C2orf42: variants seen among roughly 807,000 people sequenced by gnomAD.
C2orf42 encodes chromosome 2 open reading frame 42.
Under a neutral mutation model 58.9 loss-of-function variants are expected in C2orf42, and 44 were observed. The observed-to-expected ratio is 0.75, with a 90% confidence interval of 0.59 to 0.96. C2orf42 has a LOEUF of 0.96. C2orf42 is among the 40% of genes least tolerant of loss of function. The pLI is 0.00. For synonymous variants in C2orf42, 239 were observed against 265.4 expected, an observed-to-expected ratio of 0.90 and a Z score of 0.97; for missense variants, 630 against 699.2, an observed-to-expected ratio of 0.90 and a Z score of 1.12.
chr2:70,162,047 T>C (rs1368170300), intron 8 of C2orf42, among the ~76,000 whole-genome samples: 1 of 151,644 alleles, frequency 6.6e-6, no homozygotes, highest in East Asian at 2.0e-4. Flanking sequence ...AGTCTAGCTC[T>C]GTCACCCAGG....
chr2:70,156,078 C>T (rs1395016248), intron 9 of C2orf42, among the ~76,000 whole-genome samples: 1 of 151,976 alleles, frequency 6.6e-6, no homozygotes, highest in Non-Finnish European at 1.5e-5. Context: ...TCTCTTGAAC[C>T]CGGGAGGCGG....
In C2orf42 at chr2:70,181,312, G is replaced by A. The variant is rs142004715; in HGVS notation, c.674C>T (p.Ser225Phe). ...CTTGTGCGATTTCAGAGTCTGACAG[G>A]AGCAGAAGAAGCGGCGCTCAGGCAA... is the stretch of plus-strand genomic sequence containing the variant. The part of the protein sequence containing the change: ...KSLPERRFFC[S>F]CQTLKSHKSN... The change falls in exon 3 of 10, where the codon TCC (serine) becomes TTC (phenylalanine). Residue 225 changes from serine (S) to phenylalanine (F), a missense_variant. Ser to Phe is a radical substitution (Grantham distance 155, BLOSUM62 -2). Coordinates refer to ENST00000264434, the MANE Select transcript of C2orf42 (RefSeq NM_017880.3). The A allele has an allele frequency of 2.9e-4, 469 of 1,613,940 alleles. No individual in the cohort carries two copies. Among genetic ancestry groups the A allele is most frequent in the Non-Finnish European group, 3.8e-4 (444 of 1,179,964 alleles).
intron 1 of C2orf42, among the ~76,000 whole-genome samples, chr2:70,188,480 A>G (rs776423568): frequency 5.9e-5 from 9 of 152,106 alleles, no homozygotes; most frequent in Non-Finnish European, 1.3e-4. Flanking sequence ...GTGAGCCGCT[A>G]TGCCTGGCCT....
chr2:70,158,985 C>T (rs1417462368), intron 9 of C2orf42, among the ~76,000 whole-genome samples: 2 of 144,866 alleles, frequency 1.4e-5, no homozygotes, highest in African/African-American at 5.1e-5. Context: ...GATCTCGGCT[C>T]ACTGCAAGCT....
At chr2:70,175,083 C>A (rs1674097512) in intron 5 of C2orf42, among the ~76,000 whole-genome samples, 1 of 152,086 alleles carries the variant, frequency 6.6e-6, no homozygotes, top group African/African-American at 2.4e-5. Context: ...AAGATTATTT[C>A]ATCACCCAGG....
intron 4 of C2orf42, among the ~76,000 whole-genome samples, chr2:70,176,741 G>T (rs937286434): frequency 1.4e-4 from 21 of 152,014 alleles, no homozygotes; most frequent in African/African-American, 5.1e-4. Context: ...GGACCCTCCT[G>T]CCTCAGCTTC....
intron 9 of C2orf42, among the ~76,000 whole-genome samples, chr2:70,154,593 A>G (rs1672541146): frequency 6.6e-6 from 1 of 152,174 alleles, no homozygotes; most frequent in African/African-American, 2.4e-5. Flanking sequence ...TAAAGATGGC[A>G]TTTGTAACTA....
chr2:70,160,952 CT>C (rs2104863299), intron 8 of C2orf42, among the ~76,000 whole-genome samples, 165 bp from the exon 9 acceptor site: 1 of 152,232 alleles, frequency 6.6e-6, no homozygotes, highest in Admixed American at 6.6e-5. Flanking sequence ...ACAAATCTGC[CT>C]TTTCTCCCTT....
intron 6 of C2orf42, among the ~76,000 whole-genome samples, chr2:70,167,129 C>A (rs1673456774): frequency 1.3e-5 from 2 of 152,228 alleles, no homozygotes; most frequent in Middle Eastern, 3.4e-3. Flanking sequence ...GAGGATGAGG[C>A]AGGTGGATCA....
At chr2:70,165,475 A>C (rs1328898277) in intron 7 of C2orf42, 53 bp downstream of exon 7, 1 of 1,039,874 alleles carries the variant, frequency 9.6e-7, no homozygotes, top group South Asian at 1.3e-5. Flanking sequence ...TTTTCCAAAC[A>C]TAATTCTCTA....
At chr2:70,158,071 C>G (rs764595794) in intron 9 of C2orf42, among the ~76,000 whole-genome samples, 1 of 151,606 alleles carries the variant, frequency 6.6e-6, no homozygotes. Context: ...TGCTGGCATG[C>G]GCCTGTAATC....
At chr2:70,188,423 C>A (rs1675100775) in intron 1 of C2orf42, among the ~76,000 whole-genome samples, 2 of 152,186 alleles carry the variant, frequency 1.3e-5, no homozygotes, top group Non-Finnish European at 2.9e-5. Context: ...CTCCTGACCT[C>A]AAGTGATCTG....
At chr2:70,168,978 G>T (rs532144915) in intron 6 of C2orf42, among the ~76,000 whole-genome samples, 53 of 152,254 alleles carry the variant, frequency 3.5e-4, no homozygotes, top group Admixed American at 3.3e-3. Flanking sequence ...GCCTCCCAAA[G>T]TGTCGGATTA....
intron 9 of C2orf42, among the ~76,000 whole-genome samples, chr2:70,150,995 C>G (rs1241992674): frequency 6.6e-6 from 1 of 152,194 alleles, no homozygotes; most frequent in Non-Finnish European, 1.5e-5. Context: ...CCGCCCACCT[C>G]AGACTCCCAA....
chr2:70,155,297 A>G (rs375810146), intron 9 of C2orf42, among the ~76,000 whole-genome samples: 1 of 152,100 alleles, frequency 6.6e-6, no homozygotes, highest in Non-Finnish European at 1.5e-5. Context: ...AAGAATGGCT[A>G]CTTCATAGGC....
At chr2:70,170,107 G>C (rs973664175) in intron 5 of C2orf42, among the ~76,000 whole-genome samples, 1 of 149,490 alleles carries the variant, frequency 6.7e-6, no homozygotes, top group Non-Finnish European at 1.5e-5. Context: ...AGCTGGCTTC[G>C]AACTCCTAGG....
intron 7 of C2orf42, among the ~76,000 whole-genome samples, 167 bp downstream of exon 7, chr2:70,165,361 T>G (rs1335324180): frequency 6.6e-6 from 1 of 152,234 alleles, no homozygotes; most frequent in African/African-American, 2.4e-5. Flanking sequence ...GACAAATCAG[T>G]TGATGTAGAT....
intron 9 of C2orf42, among the ~76,000 whole-genome samples, chr2:70,157,449 G>A (rs1381955372): frequency 7.7e-5 from 11 of 143,422 alleles, no homozygotes; most frequent in Non-Finnish European, 1.3e-4. Flanking sequence ...CGAGACTCCC[G>A]TCTCAAAACA....
Position 70,165,082 on chromosome 2 carries a change from A to T in C2orf42, c.1353+10T>A. 6.9e-7 allele frequency: 1 copy of T among 1,453,632 alleles called. No individual in the cohort carries two copies. Among genetic ancestry groups the T allele is most frequent in the Non-Finnish European group, 9.6e-7 (1 of 1,042,242 alleles). 90.0% of individuals were successfully genotyped at this position (1,453,632 alleles called of 1,614,324 possible). A position where few individuals can be genotyped will look rare whatever the true frequency, so the allele number is the denominator to read the frequency against. ...ACAACCCTCCCACTGTTATAGAAATAAACTCTCACCTCTGGGGTATCTAAG... is the reference window on the plus strand; with the variant it reads ...ACAACCCTCCCACTGTTATAGAAATTAACTCTCACCTCTGGGGTATCTAAG... On this transcript the variant is annotated intron_variant, in intron 8 of 9. Coordinates refer to ENST00000264434, the MANE Select transcript of C2orf42 (RefSeq NM_017880.3).
Sources: gnomAD v4.1 joint callset for allele counts (sites outside exome capture counted in the v4.1 genomes callset) on GRCh38, gnomAD v4.1.1 for gene constraint, MANE v1.5 for transcripts, NCBI Gene and HGNC (gene_info 2026-07-23, HGNC 2026-07-21) for gene names.